Variants in NKAIN3 observed in about 807,000 individuals in gnomAD.
The protein encoded by NKAIN3 is sodium/potassium transporting ATPase interacting 3.
A neutral mutation model predicts 30.2 loss-of-function variants in NKAIN3; 25 were observed. That is an observed-to-expected ratio of 0.83 (90% CI 0.60 to 1.16). The LOEUF (loss-of-function observed/expected upper bound fraction) is 1.16. Ranked by LOEUF, NKAIN3 falls within the 50% of genes most tolerant of loss-of-function variation. The pLI is 0.00. For synonymous variants in NKAIN3, 91 were observed against 89.6 expected, an observed-to-expected ratio of 1.02 and a Z score of -0.09; for missense variants, 225 against 254.1, an observed-to-expected ratio of 0.89 and a Z score of 0.78.
chr8:62,987,044 C>T (rs749647550), downstream of NKAIN3, among the ~76,000 whole-genome samples: 3 of 152,144 alleles, frequency 2.0e-5, no homozygotes, highest in Non-Finnish European at 4.4e-5. Flanking sequence ...TATATTTCCA[C>T]ATTGTTTAAG....
At chr8:62,458,214 C>G (rs1281408144) in intron 1 of NKAIN3, among the ~76,000 whole-genome samples, 2 of 152,118 alleles carry the variant, frequency 1.3e-5, no homozygotes, top group Non-Finnish European at 2.9e-5. Context: ...AAATCTCAAC[C>G]CTATGACTTC....
chr8:62,572,762 G>A (rs1215889183), intron 1 of NKAIN3, among the ~76,000 whole-genome samples: 2 of 151,892 alleles, frequency 1.3e-5, no homozygotes, highest in Admixed American at 6.6e-5. Flanking sequence ...TCACTATCAT[G>A]AGAAAAGCAC....
At chr8:62,357,757 G>T (rs76647000) in intron 1 of NKAIN3, among the ~76,000 whole-genome samples, 1 of 152,228 alleles carries the variant, frequency 6.6e-6, no homozygotes, top group South Asian at 2.1e-4. Flanking sequence ...CCAAGTGCTC[G>T]TAACTGTTAG....
chr8:62,872,937 A>G (rs1010060081), intron 4 of NKAIN3, among the ~76,000 whole-genome samples: 1 of 152,236 alleles, frequency 6.6e-6, no homozygotes, highest in African/African-American at 2.4e-5. Context: ...CAATGACACT[A>G]TGAAGAAAGT....
At chr8:62,855,231 T>G in intron 4 of NKAIN3, 1 of 399,910 alleles carries the variant, frequency 2.5e-6, no homozygotes. Flanking sequence ...AAGAAACACA[T>G]TTTAACTGGC....
intron 4 of NKAIN3, among the ~76,000 whole-genome samples, chr8:62,829,730 T>C (rs931641232): frequency 8.8e-6 from 1 of 113,356 alleles, no homozygotes; most frequent in Non-Finnish European, 1.9e-5. Context: ...GTTTGTTAAC[T>C]AGATAGATAG....
intron 6 of NKAIN3, among the ~76,000 whole-genome samples, chr8:62,961,679 CAT>C (rs1823575091): frequency 6.6e-6 from 1 of 151,876 alleles, no homozygotes; most frequent in Non-Finnish European, 1.5e-5. Flanking sequence ...GAGAAAAAAA[CAT>C]ATTTGCAATT....
At chr8:62,415,325 A>T (rs1422902549) in intron 1 of NKAIN3, among the ~76,000 whole-genome samples, 1 of 146,914 alleles carries the variant, frequency 6.8e-6, no homozygotes, top group Non-Finnish European at 1.5e-5. Context: ...AGGCTTGTAA[A>T]GCTTGAGATG....
At chr8:62,475,664 T>G (rs1445353528) in intron 1 of NKAIN3, among the ~76,000 whole-genome samples, 1 of 152,152 alleles carries the variant, frequency 6.6e-6, no homozygotes, top group African/African-American at 2.4e-5. Flanking sequence ...TACACATATC[T>G]GTACTGTAAC....
chr8:62,699,950 A>C (rs898156027), intron 3 of NKAIN3, among the ~76,000 whole-genome samples: 1 of 152,156 alleles, frequency 6.6e-6, no homozygotes, highest in African/African-American at 2.4e-5. Context: ...ATGTAGTAAG[A>C]CTCAATCTCT....
At chr8:62,574,095 G>C (rs553753335) in intron 1 of NKAIN3, among the ~76,000 whole-genome samples, 1 of 152,032 alleles carries the variant, frequency 6.6e-6, no homozygotes, top group Non-Finnish European at 1.5e-5. Context: ...TTGTTTTTAT[G>C]TTTAGCTCCA....
intron 3 of NKAIN3, among the ~76,000 whole-genome samples, chr8:62,607,405 T>C (rs1264826852): frequency 6.6e-6 from 1 of 152,108 alleles, no homozygotes; most frequent in African/African-American, 2.4e-5. Flanking sequence ...CTGATGCACC[T>C]TCTCTTGGGA....
At chr8:62,937,778 T>C (rs1178037291) in intron 5 of NKAIN3, among the ~76,000 whole-genome samples, 1 of 152,098 alleles carries the variant, frequency 6.6e-6, no homozygotes, top group African/African-American at 2.4e-5. Flanking sequence ...ATGCTTGCTT[T>C]CTCAGCAGGG....
At chr8:62,887,930 T>G (rs1041138726) in intron 4 of NKAIN3, among the ~76,000 whole-genome samples, 3 of 152,164 alleles carry the variant, frequency 2.0e-5, no homozygotes, top group Admixed American at 1.3e-4. Context: ...GAAGTTCTCT[T>G]TTAGTATGCC....
chr8:62,938,143 T>A (rs942783133), intron 5 of NKAIN3, among the ~76,000 whole-genome samples: 2 of 151,982 alleles, frequency 1.3e-5, no homozygotes, highest in Admixed American at 6.5e-5. Context: ...ACAAAAGACA[T>A]AATATCTTGG....
At chr8:62,440,391 G>A (rs1805287753) in intron 1 of NKAIN3, among the ~76,000 whole-genome samples, 1 of 152,160 alleles carries the variant, frequency 6.6e-6, no homozygotes, top group South Asian at 2.1e-4. Flanking sequence ...ATTTTTGTTA[G>A]TAGATATGGA....
intron 5 of NKAIN3, among the ~76,000 whole-genome samples, chr8:62,930,058 G>A (rs186390629): frequency 1.6e-4 from 25 of 152,192 alleles, no homozygotes; most frequent in Middle Eastern, 3.4e-3. Context: ...GCTAAAATAC[G>A]TGACATAATA....
intron 1 of NKAIN3, among the ~76,000 whole-genome samples, chr8:62,330,511 T>C (rs1479115778): frequency 6.6e-6 from 1 of 151,926 alleles, no homozygotes; most frequent in African/African-American, 2.4e-5. Context: ...TTTTGTCTTT[T>C]AATTTACCCC....
At chr8:62,548,942 A>G (rs952327938) in intron 1 of NKAIN3, among the ~76,000 whole-genome samples, 3 of 151,860 alleles carry the variant, frequency 2.0e-5, no homozygotes, top group African/African-American at 7.3e-5. Flanking sequence ...TTACAGGTAA[A>G]GAAGAAGCTA....
Sources: allele counts gnomAD v4.1 joint callset (sites outside exome capture counted in the v4.1 genomes callset), GRCh38; gene constraint gnomAD v4.1.1; transcripts MANE v1.5; gene names NCBI Gene and HGNC (gene_info 2026-07-23, HGNC 2026-07-21).